Variants in SMURF2 observed in about 807,000 individuals in gnomAD.
SMURF2 encodes E3 ubiquitin-protein ligase SMURF2.
SMURF2 carries 48 observed loss-of-function variants against 109.6 expected under a neutral mutation model. The ratio of observed to expected loss-of-function variants is 0.44; its 90% CI spans 0.35 to 0.56. The LOEUF (loss-of-function observed/expected upper bound fraction) is 0.56. Among genes scored for constraint, SMURF2 ranks in the 20% least tolerant of loss-of-function variants. The pLI is 0.01. For missense variants in SMURF2, 575 were observed against 909.0 expected (o/e 0.63, Z 4.72); for synonymous variants, 288 against 317.1 (o/e 0.91, Z 0.97).
intron 2 of SMURF2, among the ~76,000 whole-genome samples, chr17:64,598,782 G>A (rs1969852969): frequency 6.6e-6 from 1 of 152,152 alleles, no homozygotes; most frequent in Admixed American, 6.5e-5. Context: ...CCAGCCCTCT[G>A]ACCCGAGGAA....
chr17:64,573,507 A>C lies in SMURF2; in HGVS notation c.858-1551T>G, dbSNP rs115712686. Among the ~76,000 whole-genome samples the C allele has an allele frequency of 1.4e-3, 208 of 152,008 alleles. 2 individuals carry two copies. Among genetic ancestry groups the C allele is most frequent in the African/African-American group, 4.8e-3 (197 of 41,472 alleles). On this transcript the variant is annotated intron_variant, in intron 9 of 18. Transcript: ENST00000262435. ...ACTTCTGCTATAGGTGTTCCAAGAG[A>C]CTCCTGCTACAGAACAGCTAAAGTG...
intron 10 of SMURF2, among the ~76,000 whole-genome samples, chr17:64,566,571 T>TTTTTTTG: frequency 1.1e-5 from 1 of 91,836 alleles, no homozygotes; most frequent in Non-Finnish European, 2.4e-5. Context: ...GTTTTTTTTT[T>TTTTTTTG]TTTTTTTTTT....
intron 5 of SMURF2, among the ~76,000 whole-genome samples, chr17:64,588,530 G>A (rs2144649644): frequency 6.6e-6 from 1 of 152,048 alleles, no homozygotes; most frequent in African/African-American, 2.4e-5. Context: ...AAAAGTTAAT[G>A]TTCACTGGAA....
At chr17:64,598,346 G>T (rs2144663137) in intron 3 of SMURF2, 36 bp downstream of exon 3, 1 of 1,435,258 alleles carries the variant, frequency 7.0e-7, no homozygotes, top group Non-Finnish European at 9.6e-7. Context: ...ATAATTTAAT[G>T]ATATGTTCCA....
intron 9 of SMURF2, among the ~76,000 whole-genome samples, chr17:64,573,810 A>G (rs1415320396): frequency 5.9e-5 from 9 of 152,258 alleles, no homozygotes; most frequent in Non-Finnish European, 4.4e-5. Context: ...CCCCAAATAG[A>G]TTTTTAATGG....
intron 1 of SMURF2, among the ~76,000 whole-genome samples, chr17:64,630,992 G>C (rs1182611924): frequency 6.6e-6 from 1 of 151,790 alleles, no homozygotes; most frequent in Non-Finnish European, 1.5e-5. Context: ...GTGGGCAAAG[G>C]CTGGGTTAGT....
At position 64,561,141 on chromosome 17, in the gene SMURF2, T is replaced by C. The variant is rs544893285; in HGVS notation, c.1316+359A>G. ...ATTCATTTAACAAGGAAAAAAGGCA[T>C]AACAAATGGAAGCAAAGAGAACCAG... On this transcript the variant is annotated intron_variant, in intron 12 of 18. Transcript: ENST00000262435. Among the ~76,000 whole-genome samples the C allele has an allele frequency of 2.6e-5, 4 of 152,120 alleles. No homozygotes were observed. The South Asian group carries it at 6.2e-4, about 24-fold the overall frequency.
chr17:64,610,052 A>G (rs1199820446), intron 1 of SMURF2, among the ~76,000 whole-genome samples: 1 of 152,238 alleles, frequency 6.6e-6, no homozygotes, highest in Admixed American at 6.5e-5. Context: ...CAAAACCACA[A>G]TGAGATACCA....
chr17:64,630,716 G>A (rs1193329796), intron 1 of SMURF2, among the ~76,000 whole-genome samples: 1 of 152,136 alleles, frequency 6.6e-6, no homozygotes, highest in African/African-American at 2.4e-5. Context: ...CTCAGAATTT[G>A]CCTCTCATTA....
chr17:64,643,211 C>T (rs782117819), intron 1 of SMURF2, among the ~76,000 whole-genome samples: 3 of 151,846 alleles, frequency 2.0e-5, no homozygotes, highest in Admixed American at 6.6e-5. Context: ...TTGGTAGAGT[C>T]GGAGTTTTGC....
At chr17:64,616,491 A>T (rs1454466150) in intron 1 of SMURF2, among the ~76,000 whole-genome samples, 1 of 151,952 alleles carries the variant, frequency 6.6e-6, no homozygotes, top group East Asian at 1.9e-4. Flanking sequence ...TCTTCTAAAA[A>T]TACAAAAAAT....
intron 1 of SMURF2, among the ~76,000 whole-genome samples, chr17:64,647,738 C>G (rs977968261): frequency 1.4e-4 from 21 of 150,754 alleles, no homozygotes; most frequent in African/African-American, 5.1e-4. Flanking sequence ...GTGCTCATTT[C>G]ACTTTCACTG....
intron 10 of SMURF2, chr17:64,563,259 T>G (rs959448305): frequency 2.8e-5 from 6 of 210,898 alleles, no homozygotes; most frequent in Non-Finnish European, 5.7e-5. Context: ...CCTACAGAGT[T>G]TACCATCACC....
chr17:64,588,977 A>T (rs1324133627), intron 5 of SMURF2, among the ~76,000 whole-genome samples: 1 of 152,126 alleles, frequency 6.6e-6, no homozygotes, highest in Non-Finnish European at 1.5e-5. Context: ...CATTTTCCAA[A>T]AAGTATATAT....
chr17:64,611,976 C>A (rs1414714502), intron 1 of SMURF2, among the ~76,000 whole-genome samples: 3 of 152,150 alleles, frequency 2.0e-5, no homozygotes, highest in African/African-American at 7.2e-5. Context: ...ACAGCCTTCA[C>A]GTGCCATTCT....
chr17:64,637,018 G>A (rs118159243), intron 1 of SMURF2, among the ~76,000 whole-genome samples: 1 of 151,868 alleles, frequency 6.6e-6, no homozygotes, highest in Non-Finnish European at 1.5e-5. Flanking sequence ...CCAGGAGTTC[G>A]AGACCAGTCT....
chr17:64,546,343 A>T lies in SMURF2; in HGVS notation c.2072-5T>A. ...AGAGTCTCGGGCCTGCAGCACCTGC[A>T]AATGAAGGAAATGTGGATGAAATCA... On this transcript the variant is annotated splice_polypyrimidine_tract_variant and splice_region_variant and intron_variant, in intron 17 of 18. Coordinates refer to ENST00000262435, the MANE Select transcript of SMURF2 (RefSeq NM_022739.4). The T allele has an allele frequency of 6.2e-7, 1 of 1,613,582 alleles. No homozygotes were observed. Among genetic ancestry groups the T allele is most frequent in the Middle Eastern group, 1.7e-4 (1 of 6,060 alleles).
chr17:64,562,710 T>C, intron 11 of SMURF2, 61 bp downstream of exon 11: 1 of 1,513,976 alleles, frequency 6.6e-7, no homozygotes, highest in South Asian at 1.2e-5. Flanking sequence ...AGGTTTGTAT[T>C]AGCAAGCAAT....
chr17:64,547,904 G>C lies in SMURF2; in HGVS notation c.1870-103C>G, dbSNP rs2144583909. The stretch of plus-strand genomic sequence containing the variant: ...TTGTACTGCTGGCTGTCATTTGGTG[G>C]TTCCTAATTAAAGATGCACATCAGA... On this transcript the variant is annotated intron_variant, in intron 16 of 18. Transcript: ENST00000262435. The surrounding 1 kb of genome is among the most constrained non-coding windows in gnomAD (Gnocchi z 4.2). 2 of 933,776 alleles carry C rather than the reference G, an allele frequency of 2.1e-6. No individual in the cohort carries two copies. The highest frequency in any genetic ancestry group is 2.5e-5 in the East Asian group (1 of 40,712). 57.8% of individuals were successfully genotyped at this position (933,776 alleles called of 1,614,324 possible).
Sources: allele counts gnomAD v4.1 joint callset (sites outside exome capture counted in the v4.1 genomes callset), GRCh38; gene constraint gnomAD v4.1.1; non-coding constraint Gnocchi (gnomAD v3.1); transcripts MANE v1.5; gene names NCBI Gene and HGNC (gene_info 2026-07-23, HGNC 2026-07-21).